The following SLC25A33 variants were observed in gnomAD, a reference collection of about 807,000 sequenced individuals.
The protein encoded by SLC25A33 is solute carrier family 25 member 33, also known as bone marrow stromal cell mitochondrial carrier protein.
SLC25A33 carries 15 observed loss-of-function variants against 35.5 expected under a neutral mutation model. The observed-to-expected ratio is 0.42, with a 90% CI of 0.28 to 0.65. The LOEUF is 0.65. SLC25A33 is among the 30% of genes least tolerant of loss of function. The probability of loss-of-function intolerance (pLI) is 0.20; values close to 1 mark genes in which losing one functional copy is unlikely to be tolerated. For synonymous variants in SLC25A33, 136 were observed against 148.7 expected (o/e 0.91, Z 0.62); for missense variants, 257 against 398.5 (o/e 0.64, Z 3.02).
chr1:9,550,451 G>A (rs1204310971), intron 1 of SLC25A33, among the ~76,000 whole-genome samples: 1 of 151,978 alleles, frequency 6.6e-6, no homozygotes, highest in Non-Finnish European at 1.5e-5. Context: ...CTGATGAAAG[G>A]ATTTACCCAG....
At chr1:9,570,608 T>G (rs1409553648) in intron 4 of SLC25A33, among the ~76,000 whole-genome samples, 1 of 152,138 alleles carries the variant, frequency 6.6e-6, no homozygotes, top group Non-Finnish European at 1.5e-5. Context: ...ACTGGTATTT[T>G]GTTCTTCTAA....
At chr1:9,557,017 TCCGCC>T (rs1168022834) in intron 2 of SLC25A33, among the ~76,000 whole-genome samples, 2 of 152,170 alleles carry the variant, frequency 1.3e-5, no homozygotes, top group Non-Finnish European at 2.9e-5. Context: ...CGGCACAACC[TCCGCC>T]TCCCAGGTTC....
intron 2 of SLC25A33, among the ~76,000 whole-genome samples, chr1:9,561,488 G>C (rs928008366): frequency 6.6e-6 from 1 of 151,996 alleles, no homozygotes; most frequent in Non-Finnish European, 1.5e-5. Flanking sequence ...ATCCTTCTGG[G>C]CTTGATTTTG....
intron 2 of SLC25A33, among the ~76,000 whole-genome samples, chr1:9,562,566 A>G (rs1643438266): frequency 6.6e-6 from 1 of 152,070 alleles, no homozygotes; most frequent in Non-Finnish European, 1.5e-5. Flanking sequence ...ATTGAATTAT[A>G]TAAATGGGCC....
intron 1 of SLC25A33, among the ~76,000 whole-genome samples, chr1:9,542,084 C>T (rs1481704185): frequency 6.6e-6 from 1 of 152,238 alleles, no homozygotes; most frequent in African/African-American, 2.4e-5. Context: ...GCATGAGCCA[C>T]TGCGCCCGGC....
chr1:9,567,163 G>A (rs1643520514), intron 2 of SLC25A33, 121 bp from the exon 3 acceptor site: 15 of 795,290 alleles, frequency 1.9e-5, no homozygotes, highest in Non-Finnish European at 2.5e-5. Flanking sequence ...GATAAGAGTC[G>A]AGCTTGACAT....
intron 1 of SLC25A33, among the ~76,000 whole-genome samples, chr1:9,552,326 C>T (rs1004682474): frequency 1.3e-5 from 2 of 152,172 alleles, no homozygotes; most frequent in African/African-American, 4.8e-5. Context: ...AGCTATTCTC[C>T]TGCCTCAGCC....
rs191113113 is a variant in SLC25A33, at chr1:9,568,824, C to T, written c.315-1434C>T. 7.0e-3 allele frequency among the ~76,000 whole-genome samples: 1,042 copies of T among 149,736 alleles called. 10 individuals are homozygous for T. The highest frequency in any genetic ancestry group is 0.024 in the African/African-American group (986 of 40,734). ...TGAGATCGCTGCACTCCAGCCTGGG[C>T]GACAGAGCGAGACTCTGTCTCAAAA... On this transcript the variant is annotated intron_variant, in intron 3 of 6. Transcript: ENST00000302692.
intron 1 of SLC25A33, among the ~76,000 whole-genome samples, chr1:9,546,247 C>T (rs61782979): frequency 7.8e-6 from 1 of 128,420 alleles, no homozygotes; most frequent in East Asian, 2.5e-4. Flanking sequence ...TGCAGTGGTG[C>T]GATCTCGGCT....
At chr1:9,560,740 AG>A (rs1643412354) in intron 2 of SLC25A33, among the ~76,000 whole-genome samples, 1 of 151,466 alleles carries the variant, frequency 6.6e-6, no homozygotes, top group African/African-American at 2.4e-5. Flanking sequence ...TCTCTATTGA[AG>A]AACCTATCTC....
chr1:9,559,457 CATT>C (rs1557529240), intron 2 of SLC25A33, among the ~76,000 whole-genome samples: 4 of 151,560 alleles, frequency 2.6e-5, no homozygotes, highest in Admixed American at 2.0e-4. Context: ...AAGCTGCTGT[CATT>C]ATAATAGCTA....
chr1:9,582,290 T>G lies in SLC25A33; in HGVS notation c.764-9T>G. 2 of 1,613,876 alleles carry G rather than the reference T, an allele frequency of 1.2e-6. No individual in the cohort carries two copies. Among genetic ancestry groups the G allele is most frequent in the Non-Finnish European group, 1.7e-6 (2 of 1,179,790 alleles). On this transcript the variant is annotated splice_polypyrimidine_tract_variant and intron_variant, in intron 6 of 6. Transcript: ENST00000302692. The surrounding 1 kb of genome is among the most constrained non-coding windows in gnomAD (Gnocchi z 4.0). ...ATGTGGCGTAAAGTAGGTCTTTCTC[T>G]CTCTGCAGAAGTCATAAGGACGAGG...
intron 2 of SLC25A33, among the ~76,000 whole-genome samples, chr1:9,557,997 T>C (rs755306983): frequency 6.6e-6 from 1 of 152,200 alleles, no homozygotes; most frequent in Non-Finnish European, 1.5e-5. Context: ...GTGTATACAC[T>C]TACGAAGAAA....
In SLC25A33 at chr1:9,578,254, A is replaced by G. The variant is rs2100413099; in HGVS notation, c.483-1700A>G. Reference sequence around the variant, plus strand: ...TTAAGCACGGGAGTTGCATGGTTGGATTTGTGTTAGAAAGGTCACTGCCGC... The same window carrying G: ...TTAAGCACGGGAGTTGCATGGTTGGGTTTGTGTTAGAAAGGTCACTGCCGC... On this transcript the variant is annotated intron_variant, in intron 5 of 6. Transcript: ENST00000302692. The surrounding 1 kb of genome is among the most constrained non-coding windows in gnomAD (Gnocchi z 4.3). Among the ~76,000 whole-genome samples the G allele has an allele frequency of 6.6e-6, 1 of 152,066 alleles. No homozygotes were observed. Among genetic ancestry groups the G allele is most frequent in the East Asian group, 1.9e-4 (1 of 5,168 alleles).
intron 4 of SLC25A33, among the ~76,000 whole-genome samples, 173 bp downstream of exon 4, chr1:9,570,531 G>C (rs1643574112): frequency 6.6e-6 from 1 of 151,964 alleles, no homozygotes; most frequent in African/African-American, 2.4e-5. Context: ...TTTGTAGCTT[G>C]ATTTTATTTT....
chr1:9,573,657 G>A (rs930431597), intron 5 of SLC25A33, among the ~76,000 whole-genome samples: 1 of 152,104 alleles, frequency 6.6e-6, no homozygotes. Flanking sequence ...CCCCTGATCC[G>A]CAGTCCCACC....
intron 3 of SLC25A33, among the ~76,000 whole-genome samples, chr1:9,568,161 G>C (rs1643536915): frequency 6.6e-6 from 1 of 152,222 alleles, no homozygotes. Flanking sequence ...CTGCTTCCAG[G>C]CCGGCTGTGG....
At chr1:9,580,434 A>AT (rs2100415822) in intron 6 of SLC25A33, among the ~76,000 whole-genome samples, 200 bp downstream of exon 6, 1 of 152,340 alleles carries the variant, frequency 6.6e-6, no homozygotes, top group African/African-American at 2.4e-5. Flanking sequence ...AATCCAGCTG[A>AT]TTATAGCCAA....
intron 1 of SLC25A33, among the ~76,000 whole-genome samples, chr1:9,553,230 G>GTTTTT (rs1340250968): frequency 8.9e-3 from 809 of 91,086 alleles, no homozygotes; most frequent in Non-Finnish European, 0.011. Context: ...TTTTTTTTGG[G>GTTTTT]TTTTTTTTTT....
Sources: allele counts gnomAD v4.1 joint callset (sites outside exome capture counted in the v4.1 genomes callset), GRCh38; gene constraint gnomAD v4.1.1; non-coding constraint Gnocchi (gnomAD v3.1); transcripts MANE v1.5; gene names NCBI Gene and HGNC (gene_info 2026-07-23, HGNC 2026-07-21).